USP54: variants seen among roughly 807,000 people sequenced by gnomAD.
The protein encoded by USP54 is ubiquitin specific peptidase 54.
A neutral mutation model predicts 170.5 loss-of-function variants in USP54; 87 were observed. That is an observed-to-expected ratio of 0.51 (90% CI 0.43 to 0.61). The LOEUF is 0.61. Ranked by LOEUF, USP54 falls within the 20% of genes least tolerant of loss-of-function variation. USP54 has a pLI of 0.00. For synonymous variants in USP54, 655 were observed against 742.8 expected (o/e 0.88, Z 1.92); for missense variants, 1,786 against 2,047.8 (o/e 0.87, Z 2.47).
intron 4 of USP54, among the ~76,000 whole-genome samples, chr10:73,549,718 G>A (rs998686328): frequency 6.6e-6 from 1 of 152,108 alleles, no homozygotes; most frequent in Non-Finnish European, 1.5e-5. Flanking sequence ...CTCTTCACTG[G>A]ATAATTGCAA....
At chr10:73,571,000 T>C (rs2075059559) in intron 4 of USP54, among the ~76,000 whole-genome samples, 1 of 151,462 alleles carries the variant, frequency 6.6e-6, no homozygotes, top group African/African-American at 2.4e-5. Context: ...TAACCGAGCA[T>C]GGTGGCACAC....
chr10:73,504,978 G>A lies in USP54; in HGVS notation c.4183C>T (p.Arg1395Ter), dbSNP rs61761602. Residue 1395 changes from arginine (R) to a stop codon, truncating the protein, a stop_gained, in exon 22 of 24, where the codon CGA becomes TGA. Coordinates refer to ENST00000687698, the MANE Select transcript of USP54 (RefSeq NM_001391956.1). LOFTEE classifies it high-confidence loss of function. ...TCCCCACACTCCCTGCTGAGGCCTC[G>A]GCAAGGTGTAGCCTTCAAACACACA... ...TVRTSQATPC[R>*]GLSRECGEDE... The A allele has an allele frequency of 2.2e-3, 3,617 of 1,613,998 alleles. 11 individuals carry two copies. Among genetic ancestry groups the A allele is most frequent in the Admixed American group, 5.6e-3 (335 of 59,988 alleles).
In USP54 at chr10:73,498,495, C is replaced by A; in HGVS notation, c.*134G>T. On this transcript the variant is annotated 3_prime_UTR_variant, in exon 24 of 24. Coordinates refer to ENST00000687698, the MANE Select transcript of USP54 (RefSeq NM_001391956.1). ...TTCACCATGTTGGCCAGGATGGTCTCAATCTCCTGACCTCGTGATCCACCC... is the reference window on the plus strand; with the variant it reads ...TTCACCATGTTGGCCAGGATGGTCTAAATCTCCTGACCTCGTGATCCACCC... 1.2e-6 allele frequency: 1 copy of A among 816,466 alleles called. No homozygotes were observed. Among genetic ancestry groups the A allele is most frequent in the Non-Finnish European group, 1.8e-6 (1 of 558,666 alleles). 50.6% of individuals were successfully genotyped at this position (816,466 alleles called of 1,614,324 possible). A position where few individuals can be genotyped will look rare whatever the true frequency, so the allele number is the denominator to read the frequency against.
intron 19 of USP54, chr10:73,519,113 C>G (rs2061521115): frequency 1.5e-5 from 2 of 137,078 alleles, no homozygotes; most frequent in Non-Finnish European, 3.0e-5. Flanking sequence ...GCACTCCAGC[C>G]TGGGTGAAAA....
chr10:73,622,779 C>T (rs540182461), intron 1 of USP54, among the ~76,000 whole-genome samples: 110 of 151,912 alleles, frequency 7.2e-4, no homozygotes, highest in African/African-American at 2.6e-3. Flanking sequence ...ATAGGGAGAT[C>T]CTGTCTCTAG....
At chr10:73,568,070 T>C (rs773272345) in intron 4 of USP54, among the ~76,000 whole-genome samples, 59 of 152,056 alleles carry the variant, frequency 3.9e-4, no homozygotes, top group Non-Finnish European at 6.9e-4. Context: ...TGTGCGACCA[T>C]GTCCCACTAA....
At chr10:73,534,471 C>T (rs1417379173) in intron 12 of USP54, 129 bp downstream of exon 12, 5 of 1,093,954 alleles carry the variant, frequency 4.6e-6, no homozygotes, top group African/African-American at 1.6e-5. Flanking sequence ...CTTGGCCGCC[C>T]GCCTCGGCCT....
At position 73,517,580 on chromosome 10, in the gene USP54, C is replaced by T; in HGVS notation, c.2846G>A (p.Ser949Asn). ...ESSAPQHSSP[S>N]RSALKLLTSV... ...AGTCAGAAGCTTCAAGGCAGATCTA[C>T]TGGGGGAGCTGTGCTGTGGGGCAGA... The change falls in exon 20 of 24, where the codon AGT becomes AAT. Residue 949 changes from serine to asparagine, a missense_variant. Ser to Asn is a conservative substitution (Grantham distance 46). Transcript: ENST00000687698. 6.2e-7 allele frequency: 1 copy of T among 1,614,196 alleles called. No individual in the cohort carries two copies. The highest frequency in any genetic ancestry group is 8.5e-7 in the Non-Finnish European group (1 of 1,180,032).
Position 73,517,257 on chromosome 10 carries a change from G to A in USP54, c.3169C>T (p.Pro1057Ser), listed in dbSNP as rs139393753. 1.4e-3 allele frequency: 2,243 copies of A among 1,614,146 alleles called. 2 individuals carry two copies. The highest frequency in any genetic ancestry group is 1.8e-3 in the Non-Finnish European group (2,107 of 1,179,980). The change falls in exon 20 of 24, where the codon CCT becomes TCT. Residue 1057 changes from proline (P) to serine (S), a missense_variant. By Grantham distance (74) the Pro-to-Ser change is moderately conservative. Transcript: ENST00000687698. ...CTGGGCTGAGCTGATGAATTTGAAG[G>A]ACTACAGCCTAGGCTGTGTTCATCA... The part of the protein sequence containing the change: ...RGDEHSLGCS[P>S]SNSSAQPSLP...
In USP54 at chr10:73,519,951, G is replaced by T; in HGVS notation, c.2524C>A (p.His842Asn). Reference protein sequence around the residue: ...LALHGASCSTHSRALVDKKLQ... With the variant: ...LALHGASCSTNSRALVDKKLQ... ...TTCTTATCGACTAGGGCTCTGCTGTGCGTGCTACAGCTGGCACCATGCAGG... is the reference window on the plus strand; with the variant it reads ...TTCTTATCGACTAGGGCTCTGCTGTTCGTGCTACAGCTGGCACCATGCAGG... The change falls in exon 19 of 24, where the codon CAC (histidine) becomes AAC (asparagine). Residue 842 changes from histidine to asparagine, a missense_variant. This residue lies in a region of USP54 where 1,418 missense variants were observed against 1,569.0 expected (regional missense o/e 0.90). Coordinates refer to ENST00000687698, the MANE Select transcript of USP54 (RefSeq NM_001391956.1). The T allele has an allele frequency of 6.2e-7, 1 of 1,613,006 alleles. No homozygotes were observed. Among genetic ancestry groups the T allele is most frequent in the Non-Finnish European group, 8.5e-7 (1 of 1,179,488 alleles).
intron 5 of USP54, among the ~76,000 whole-genome samples, chr10:73,544,871 G>A (rs1169108524): frequency 6.6e-6 from 1 of 152,004 alleles, no homozygotes; most frequent in African/African-American, 2.4e-5. Context: ...CCGCCACCAT[G>A]CCTGGCTAAT....
chr10:73,585,740 T>G (rs1043616296), intron 1 of USP54, among the ~76,000 whole-genome samples: 1 of 152,196 alleles, frequency 6.6e-6, no homozygotes, highest in East Asian at 1.9e-4. Flanking sequence ...AATTAATTCC[T>G]GGCCAGGCAC....
rs2061181107 is a variant in USP54 at position 73,517,007 on chromosome 10, T to C, written c.3419A>G (p.Gln1140Arg). 1 of 1,614,126 alleles carries C rather than the reference T, an allele frequency of 6.2e-7. No individual in the cohort carries two copies. The highest frequency in any genetic ancestry group is 8.5e-7 in the Non-Finnish European group (1 of 1,180,052). The change falls in exon 20 of 24, where the codon CAG becomes CGG. Residue 1140 changes from glutamine to arginine, a missense_variant. By Grantham distance (43) the Gln-to-Arg change is conservative. This residue lies in a region of USP54 where 1,418 missense variants were observed against 1,569.0 expected (regional missense o/e 0.90). Transcript: ENST00000687698. Reference sequence around the variant, plus strand: ...TGTACTATCCCTCATGGAGACACCCTGCATCCTCTGGAACTGCTCAGCCAG... The same window carrying C: ...TGTACTATCCCTCATGGAGACACCCCGCATCCTCTGGAACTGCTCAGCCAG... The part of the protein sequence containing the change: ...RSLAEQFQRM[Q>R]GVSMRDSTGF...
intron 6 of USP54, 28 bp downstream of exon 6, chr10:73,542,990 T>C (rs1229166637): frequency 2.5e-6 from 4 of 1,610,534 alleles, no homozygotes; most frequent in Non-Finnish European, 3.4e-6. Flanking sequence ...GGAAGAAATG[T>C]CTAAAAAAAG....
chr10:73,562,459 C>T (rs2073291913), intron 4 of USP54, among the ~76,000 whole-genome samples: 1 of 152,188 alleles, frequency 6.6e-6, no homozygotes, highest in South Asian at 2.1e-4. Context: ...TTTTTCTCTA[C>T]AGACTTATCA....
At chr10:73,557,032 G>A (rs1435895199) in intron 4 of USP54, among the ~76,000 whole-genome samples, 1 of 152,076 alleles carries the variant, frequency 6.6e-6, no homozygotes, top group African/African-American at 2.4e-5. Flanking sequence ...CCTACATCCT[G>A]GCACTGCAAA....
rs2076022577 is a variant in USP54, at chr10:73,575,655, A to T, written c.4T>A (p.Ser2Thr). The change falls in exon 3 of 24, where the codon TCT (serine) becomes ACT (threonine). Residue 2 changes from serine (S) to threonine (T), a missense_variant. By Grantham distance (58) the Ser-to-Thr change is moderately conservative. Around this residue, in one of 3 missense-constraint regions of USP54, gnomAD observed 361 missense variants for 455.0 expected, o/e 0.79. Coordinates refer to ENST00000687698, the MANE Select transcript of USP54 (RefSeq NM_001391956.1). ...CCTGAAAAATAATTTCTCTTCCAAG[A>T]CATTATTGTTCACATTTAGCCTGAA... M[S>T]WKRNYFSGGR... 1 of 1,600,326 alleles carries T rather than the reference A, an allele frequency of 6.2e-7. No homozygotes were observed. The highest frequency in any genetic ancestry group is 1.3e-5 in the African/African-American group (1 of 74,296).
chr10:73,559,760 T>C (rs2072355091), intron 4 of USP54, among the ~76,000 whole-genome samples: 1 of 149,316 alleles, frequency 6.7e-6, no homozygotes, highest in Non-Finnish European at 1.5e-5. Context: ...CATATCAGCT[T>C]CACATTAGAG....
At chr10:73,523,531 T>C in intron 17 of USP54, 52 bp downstream of exon 17, 2 of 1,474,404 alleles carry the variant, frequency 1.4e-6, no homozygotes, top group Non-Finnish European at 1.8e-6. Context: ...TGTTTTTTTC[T>C]ACCCTTTCTG....
Sources: allele counts gnomAD v4.1 joint callset (sites outside exome capture counted in the v4.1 genomes callset), GRCh38; gene constraint gnomAD v4.1.1; regional missense constraint gnomAD v4.1.1; transcripts MANE v1.5; gene names NCBI Gene and HGNC (gene_info 2026-07-23, HGNC 2026-07-21).